The following CNTNAP2 variants were observed in gnomAD, a reference collection of about 807,000 sequenced individuals.
CNTNAP2 encodes contactin associated protein 2.
CNTNAP2 carries 98 observed loss-of-function variants against 155.2 expected under a neutral mutation model. That is an observed-to-expected ratio of 0.63 (90% confidence interval 0.54 to 0.75). The LOEUF is 0.75. Among genes scored for constraint, CNTNAP2 ranks in the 30% least tolerant of loss-of-function variants. The probability of loss-of-function intolerance (pLI) is 0.00; values close to 1 mark genes in which losing one functional copy is unlikely to be tolerated. For missense variants in CNTNAP2, 1,727 were observed against 1,688.1 expected (o/e 1.02, Z -0.40); for synonymous variants, 651 against 631.2 (o/e 1.03, Z -0.47).
chr7:148,414,583 G>A (rs1272445608), intron 23 of CNTNAP2, among the ~76,000 whole-genome samples: 1 of 150,852 alleles, frequency 6.6e-6, no homozygotes, highest in African/African-American at 2.4e-5. Context: ...GTCCTTTCTG[G>A]CTCTCCTTCT....
chr7:147,775,287 ATATATATT>A lies in CNTNAP2; in HGVS notation c.2099-128270_2099-128263del, dbSNP rs1407098175. On this transcript the variant is annotated intron_variant, in intron 13 of 23. Transcript: ENST00000361727. ...TATATTTATATATATATTTATAAAT[ATATATATT>A]TATATATATTTATAAATATATATAT... Among the ~76,000 whole-genome samples, 20 of 53,410 alleles carry A rather than the reference ATATATATT, an allele frequency of 3.7e-4. 1 individual carries two copies. Among genetic ancestry groups the A allele is most frequent in the South Asian group, 5.0e-4 (1 of 2,010 alleles). The allele number at this position is 53,410 out of a possible 152,430, so 35.0% of individuals were successfully genotyped here. A position where few individuals can be genotyped will look rare whatever the true frequency, so the allele number is the denominator to read the frequency against.
At chr7:148,143,850 C>T (rs1805122343) in intron 16 of CNTNAP2, among the ~76,000 whole-genome samples, 1 of 152,138 alleles carries the variant, frequency 6.6e-6, no homozygotes, top group Admixed American at 6.5e-5. Flanking sequence ...ACTGTCTTTT[C>T]CTTATAACTC....
chr7:147,877,075 G>A (rs1320142899), intron 13 of CNTNAP2, among the ~76,000 whole-genome samples: 1 of 152,210 alleles, frequency 6.6e-6, no homozygotes, highest in Non-Finnish European at 1.5e-5. Flanking sequence ...TTAGCCAGAT[G>A]AGGGAGTTTT....
intron 1 of CNTNAP2, among the ~76,000 whole-genome samples, chr7:146,341,317 G>A (rs890854793): frequency 2.0e-5 from 3 of 151,888 alleles, no homozygotes; most frequent in Middle Eastern, 3.2e-3. Context: ...AAAAATTATA[G>A]GTCTTAAATC....
At chr7:147,767,196 T>C (rs1797394808) in intron 13 of CNTNAP2, among the ~76,000 whole-genome samples, 2 of 152,102 alleles carry the variant, frequency 1.3e-5, no homozygotes, top group South Asian at 4.1e-4. Context: ...GTACAATATG[T>C]AAACAGAATT....
chr7:147,930,135 G>T (rs1473092359), intron 14 of CNTNAP2, among the ~76,000 whole-genome samples: 1 of 145,486 alleles, frequency 6.9e-6, no homozygotes, highest in South Asian at 2.2e-4. Flanking sequence ...AAAACAGAAA[G>T]AAAAAAAAAC....
intron 15 of CNTNAP2, among the ~76,000 whole-genome samples, chr7:148,068,685 T>A (rs564897871): frequency 6.6e-6 from 1 of 152,222 alleles, no homozygotes; most frequent in Admixed American, 6.5e-5. Context: ...TTTTTCCCAA[T>A]AATGTTATAA....
At chr7:146,489,342 C>T (rs1197847475) in intron 1 of CNTNAP2, among the ~76,000 whole-genome samples, 6 of 152,108 alleles carry the variant, frequency 3.9e-5, no homozygotes, top group South Asian at 2.1e-4. Context: ...ATATAAAGAG[C>T]ATTGCAAAAA....
chr7:148,132,157 T>A (rs943923516), intron 16 of CNTNAP2, among the ~76,000 whole-genome samples: 5 of 152,038 alleles, frequency 3.3e-5, no homozygotes, highest in Non-Finnish European at 5.9e-5. Flanking sequence ...ATAAAAACAG[T>A]TTGTTATAAA....
At chr7:148,028,301 G>A (rs945915418) in intron 15 of CNTNAP2, among the ~76,000 whole-genome samples, 1 of 152,164 alleles carries the variant, frequency 6.6e-6, no homozygotes, top group African/African-American at 2.4e-5. Context: ...GGAGATCAGG[G>A]TCTGTTTAGA....
intron 14 of CNTNAP2, among the ~76,000 whole-genome samples, chr7:147,974,315 A>T (rs921917581): frequency 1.3e-5 from 2 of 152,180 alleles, no homozygotes; most frequent in Admixed American, 1.3e-4. Context: ...ATCATATATA[A>T]ACCAACATTA....
chr7:148,148,442 A>G (rs1805236750), intron 17 of CNTNAP2, among the ~76,000 whole-genome samples: 2 of 152,346 alleles, frequency 1.3e-5, no homozygotes, highest in South Asian at 4.1e-4. Context: ...GAAATTAGCA[A>G]CTTTTCCTCT....
chr7:147,764,567 A>G (rs1441605696), intron 13 of CNTNAP2, among the ~76,000 whole-genome samples: 1 of 152,214 alleles, frequency 6.6e-6, no homozygotes, highest in Non-Finnish European at 1.5e-5. Flanking sequence ...CTTAAAATTG[A>G]ACATAGAATT....
chr7:148,354,437 G>C (rs1044425869), intron 21 of CNTNAP2, among the ~76,000 whole-genome samples: 2 of 152,040 alleles, frequency 1.3e-5, no homozygotes, highest in African/African-American at 4.8e-5. Flanking sequence ...AAATCATTTT[G>C]GGGAGCCCTT....
At chr7:146,393,192 C>T (rs548413105) in intron 1 of CNTNAP2, among the ~76,000 whole-genome samples, 1 of 152,270 alleles carries the variant, frequency 6.6e-6, no homozygotes, top group East Asian at 1.9e-4. Flanking sequence ...GAAGACTCTA[C>T]TCAGGTGCTT....
chr7:146,695,487 T>C (rs1800766795), intron 1 of CNTNAP2, among the ~76,000 whole-genome samples: 1 of 152,146 alleles, frequency 6.6e-6, no homozygotes, highest in Non-Finnish European at 1.5e-5. Context: ...TGGCCACAGC[T>C]CACTGCAGCC....
chr7:147,241,885 C>G (rs1803945768), intron 8 of CNTNAP2, among the ~76,000 whole-genome samples: 1 of 152,094 alleles, frequency 6.6e-6, no homozygotes, highest in Admixed American at 6.5e-5. Flanking sequence ...TCAAATTTGA[C>G]TTGGTGTACT....
chr7:146,577,923 T>A (rs1798549772), intron 1 of CNTNAP2, among the ~76,000 whole-genome samples: 1 of 152,054 alleles, frequency 6.6e-6, no homozygotes, highest in Admixed American at 6.6e-5. Context: ...GATAAGGACA[T>A]GTGTATAGAT....
At chr7:147,501,431 G>T (rs889070612) in intron 11 of CNTNAP2, among the ~76,000 whole-genome samples, 1 of 152,144 alleles carries the variant, frequency 6.6e-6, no homozygotes, top group East Asian at 1.9e-4. Context: ...CCAAAAGGAA[G>T]AAGTTAGATT....
Sources: allele counts gnomAD v4.1 joint callset (sites outside exome capture counted in the v4.1 genomes callset), GRCh38; gene constraint gnomAD v4.1.1; transcripts MANE v1.5; gene names NCBI Gene and HGNC (gene_info 2026-07-23, HGNC 2026-07-21).